INTS15: variants seen among roughly 807,000 people sequenced by gnomAD.
The protein encoded by INTS15 is uncharacterized protein C7orf26.
chr7:6,591,268 CTTTTTTTT>C, the INTS15 span, among the ~76,000 whole-genome samples: 3 of 131,796 alleles, frequency 2.3e-5, no homozygotes, highest in African/African-American at 8.7e-5. Flanking sequence ...TCCTGTTTTT[CTTTTTTTT>C]TTTTTTTTTG....
At chr7:6,605,677 C>T in the INTS15 span, among the ~76,000 whole-genome samples, 3 of 152,020 alleles carry the variant, frequency 2.0e-5, no homozygotes, top group Non-Finnish European at 4.4e-5. Context: ...GACAGGGGGT[C>T]GCCTGGAATA....
At chr7:6,590,620 C>T in the INTS15 span, 1 of 1,384,394 alleles carries the variant, frequency 7.2e-7, no homozygotes, top group Non-Finnish European at 9.3e-7. Context: ...GCAGCAGCCC[C>T]CAAACCCTTC....
At chr7:6,607,397 G>C in the INTS15 span, 1 of 474,102 alleles carries the variant, frequency 2.1e-6, no homozygotes, top group South Asian at 1.8e-5. This position sits in a 1 kb window ranked among gnomAD's most constrained non-coding sequence, Gnocchi z 6.0. Flanking sequence ...GGCGGGGTGG[G>C]TGCCCAAGAG....
At chr7:6,593,966 A>G in the INTS15 span, among the ~76,000 whole-genome samples, 1 of 140,768 alleles carries the variant, frequency 7.1e-6, no homozygotes, top group Non-Finnish European at 1.5e-5. Context: ...AGTGAGCTTC[A>G]GATTGCCCAC....
chr7:6,605,444 A>G, the INTS15 span, among the ~76,000 whole-genome samples: 3 of 152,192 alleles, frequency 2.0e-5, no homozygotes, highest in South Asian at 6.2e-4. Context: ...TGTTTTCTTC[A>G]GGGAATTAAA....
At chr7:6,594,687 A>G in the INTS15 span, 1 of 1,274,404 alleles carries the variant, frequency 7.8e-7, no homozygotes, top group Non-Finnish European at 1.1e-6. Context: ...TGAAGTGTCC[A>G]GTGAATGCTT....
At chr7:6,600,809 C>G in the INTS15 span, among the ~76,000 whole-genome samples, 1 of 152,000 alleles carries the variant, frequency 6.6e-6, no homozygotes, top group Non-Finnish European at 1.5e-5. Context: ...AGGCATGCGC[C>G]ACCACGCCTG....
chr7:6,595,713 C>G, the INTS15 span, among the ~76,000 whole-genome samples: 1 of 152,126 alleles, frequency 6.6e-6, no homozygotes, highest in South Asian at 2.1e-4. Context: ...GAATCTTGCT[C>G]TGTTGCACAG....
chr7:6,590,375 A>T, the INTS15 span: 10 of 1,607,556 alleles, frequency 6.2e-6, no homozygotes, highest in Non-Finnish European at 8.5e-6. Context: ...TTCAGCAGCC[A>T]GCTGCAGAGC....
chr7:6,591,560 A>T, the INTS15 span: 1 of 1,212,672 alleles, frequency 8.2e-7, no homozygotes, highest in Non-Finnish European at 1.2e-6. Context: ...CACCGCGCCC[A>T]GTCTATTTCC....
At chr7:6,594,812 C>T in the INTS15 span, among the ~76,000 whole-genome samples, 5 of 152,034 alleles carry the variant, frequency 3.3e-5, no homozygotes, top group Non-Finnish European at 7.4e-5. Flanking sequence ...CCTCCCCCTC[C>T]CAGGTTCAAG....
chr7:6,607,196 A>AGG, the INTS15 span, among the ~76,000 whole-genome samples: 1 of 152,246 alleles, frequency 6.6e-6, no homozygotes, highest in East Asian at 1.9e-4. This position sits in a 1 kb window ranked among gnomAD's most constrained non-coding sequence, Gnocchi z 6.0. Context: ...GAGTCTGGGA[A>AGG]GGGACCCAGC....
chr7:6,598,774 TGTGTGTGTGTGTA>T, the INTS15 span, among the ~76,000 whole-genome samples: 1,671 of 103,474 alleles, frequency 0.016, 26 homozygotes, highest in South Asian at 0.03. Flanking sequence ...TGTGTGTGTG[TGTGTGTGTGTGTA>T]TTTTTTTTTT....
the INTS15 span, chr7:6,608,023 G>A: frequency 6.2e-7 from 1 of 1,600,446 alleles, no homozygotes; most frequent in East Asian, 2.2e-5. Context: ...TCCCCCCGGG[G>A]TTCTACCCCC....
At chr7:6,601,117 C>T in the INTS15 span, among the ~76,000 whole-genome samples, 2 of 151,962 alleles carry the variant, frequency 1.3e-5, no homozygotes, top group Admixed American at 6.6e-5. Flanking sequence ...CAAGTGTGTA[C>T]CACCACACCC....
the INTS15 span, among the ~76,000 whole-genome samples, chr7:6,601,923 C>T: frequency 1.3e-5 from 2 of 152,216 alleles, no homozygotes; most frequent in Non-Finnish European, 2.9e-5. Flanking sequence ...TCCCAAAGTG[C>T]TGGGAATACA....
At chr7:6,591,834 C>T in the INTS15 span, 2 of 1,614,000 alleles carry the variant, frequency 1.2e-6, no homozygotes, top group Admixed American at 1.7e-5. Flanking sequence ...TGTGTCGAAT[C>T]CCGGTGTTGG....
At chr7:6,599,443 C>T in the INTS15 span, among the ~76,000 whole-genome samples, 3 of 152,236 alleles carry the variant, frequency 2.0e-5, no homozygotes, top group East Asian at 1.9e-4. Flanking sequence ...CACTGAGCAC[C>T]GGGAGGACAC....
the INTS15 span, chr7:6,607,737 G>A: frequency 6.7e-7 from 1 of 1,502,618 alleles, no homozygotes; most frequent in Admixed American, 2.1e-5. The surrounding 1 kb of genome is among the most constrained non-coding windows in gnomAD (Gnocchi z 6.0). Flanking sequence ...CCGGAGCTCC[G>A]TGGGCCACAG....
Sources: allele counts gnomAD v4.1 joint callset (sites outside exome capture counted in the v4.1 genomes callset), GRCh38; gene constraint gnomAD v4.1.1; non-coding constraint Gnocchi (gnomAD v3.1); transcripts MANE v1.5; gene names NCBI Gene and HGNC (gene_info 2026-07-23, HGNC 2026-07-21).